Variants in NOTCH4 observed in about 807,000 individuals in gnomAD.
The protein encoded by NOTCH4 is notch receptor 4.
In NOTCH4, 138 loss-of-function variants were observed where a neutral mutation model predicts 189.0. The observed-to-expected ratio is 0.73, with a 90% CI of 0.64 to 0.84. The LOEUF is 0.84. NOTCH4 is among the 40% of genes least tolerant of loss of function. The probability of loss-of-function intolerance (pLI) is 0.00; values close to 1 mark genes in which losing one functional copy is unlikely to be tolerated. For missense variants in NOTCH4, 2,286 were observed against 2,605.4 expected, an observed-to-expected ratio of 0.88 and a Z score of 2.67; for synonymous variants, 942 against 1,032.8, an observed-to-expected ratio of 0.91 and a Z score of 1.69.
chr6:32,215,149 T>A lies in NOTCH4; in HGVS notation c.2021+77A>T, dbSNP rs961171368. 1.4e-5 allele frequency: 18 copies of A among 1,316,056 alleles called. 1 individual carries two copies. The highest frequency in any genetic ancestry group is 8.2e-5 in the Admixed American group (3 of 36,454). 81.5% of individuals were successfully genotyped at this position (1,316,056 alleles called of 1,614,324 possible). A position where few individuals can be genotyped will look rare whatever the true frequency, so the allele number is the denominator to read the frequency against. Reference sequence around the variant, plus strand: ...TGGTCATTTCTCACAGACCTACATCTCACTGGCTGTCTTCTCCTGTCCTAG... The same window carrying A: ...TGGTCATTTCTCACAGACCTACATCACACTGGCTGTCTTCTCCTGTCCTAG... On this transcript the variant is annotated intron_variant, in intron 12 of 29. Transcript: ENST00000375023.
At position 32,222,787 on chromosome 6, in the gene NOTCH4, C is replaced by G. The variant is rs541496033; in HGVS notation, c.175G>C (p.Gly59Arg). 6.2e-7 allele frequency: 1 copy of G among 1,610,236 alleles called. No individual in the cohort carries two copies. Among genetic ancestry groups the G allele is most frequent in the South Asian group, 1.1e-5 (1 of 90,704 alleles). Residue 59 changes from glycine (G) to arginine (R), a missense_variant, in exon 3 of 30, where the codon GGT becomes CGT. This residue lies in a region of NOTCH4 where 1,903 missense variants were observed against 2,261.9 expected (regional missense o/e 0.84). Transcript: ENST00000375023. Reference sequence around the variant, plus strand: ...GGGTCAGGAAACTGGCACGTCTCACCCAGGAAGCCAGGGGCACACCTGGGC... The same window carrying G: ...GGGTCAGGAAACTGGCACGTCTCACGCAGGAAGCCAGGGGCACACCTGGGC... ...GTCQCAPGFL[G>R]ETCQFPDPCQ...
At position 32,224,003 on chromosome 6, in the gene NOTCH4, G is replaced by A; in HGVS notation, c.-75C>T. The A allele has an allele frequency of 6.9e-7, 1 of 1,441,648 alleles. No individual in the cohort carries two copies. Among genetic ancestry groups the A allele is most frequent in the Non-Finnish European group, 9.3e-7 (1 of 1,078,128 alleles). 89.3% of individuals were successfully genotyped at this position (1,441,648 alleles called of 1,614,324 possible). On this transcript the variant is annotated 5_prime_UTR_variant, in exon 1 of 30. Coordinates refer to ENST00000375023, the MANE Select transcript of NOTCH4 (RefSeq NM_004557.4). ...ACCCTCAGAGCTCTCACTGGGGCAGGAGCCACCTCCTCTGCTCCCACTGCC... is the reference window on the plus strand; with the variant it reads ...ACCCTCAGAGCTCTCACTGGGGCAGAAGCCACCTCCTCTGCTCCCACTGCC...
chr6:32,195,875 C>T lies in NOTCH4; in HGVS notation c.5574G>A (p.Leu1858=). Residue 1858 remains leucine, a synonymous_variant, in exon 30 of 30, where the codon CTG becomes CTA. Transcript: ENST00000375023. The surrounding 1 kb of genome is among the most constrained non-coding windows in gnomAD (Gnocchi z 5.4). ...CGGCTGACAGCGTCCGGCAGCGCGGCAGAGCCCCGCCCCCATGCGGGGGCA... is the reference window on the plus strand; with the variant it reads ...CGGCTGACAGCGTCCGGCAGCGCGGTAGAGCCCCGCCCCCATGCGGGGGCA... The part of the protein sequence containing the change: ...VSVPPHGGGA[L]PRCRTLSAGA... 1.9e-6 allele frequency: 3 copies of T among 1,592,786 alleles called. No individual in the cohort carries two copies. Among genetic ancestry groups the T allele is most frequent in the Non-Finnish European group, 2.5e-6 (3 of 1,176,640 alleles).
chr6:32,209,259 A>G (rs756159283), intron 18 of NOTCH4, among the ~76,000 whole-genome samples: 2 of 152,130 alleles, frequency 1.3e-5, no homozygotes, highest in Non-Finnish European at 2.9e-5. Context: ...CTCCTATTGC[A>G]TGTGTAATAT....
chr6:32,202,025 T>C lies in NOTCH4; in HGVS notation c.3755+51A>G. On this transcript the variant is annotated intron_variant, in intron 21 of 29. Transcript: ENST00000375023. The surrounding 1 kb of genome is among the most constrained non-coding windows in gnomAD (Gnocchi z 5.7). The stretch of plus-strand genomic sequence containing the variant: ...TCAGAGCCATCTACGTCCTTCCTCC[T>C]CCTCTCACCCACCCCTCTCCTTCCC... 2.1e-6 allele frequency: 3 copies of C among 1,416,012 alleles called. No individual in the cohort carries two copies. Among genetic ancestry groups the C allele is most frequent in the Non-Finnish European group, 2.8e-6 (3 of 1,076,756 alleles). 87.7% of individuals were successfully genotyped at this position (1,416,012 alleles called of 1,614,324 possible). A position where few individuals can be genotyped will look rare whatever the true frequency, so the allele number is the denominator to read the frequency against.
In NOTCH4 at chr6:32,201,862, C is replaced by T; in HGVS notation, c.3755+214G>A. On this transcript the variant is annotated intron_variant, in intron 21 of 29. Coordinates refer to ENST00000375023, the MANE Select transcript of NOTCH4 (RefSeq NM_004557.4). The surrounding 1 kb of genome is among the most constrained non-coding windows in gnomAD (Gnocchi z 5.5). ...AGTTCCTTCAACTCTTAGAGAGGAGCCCAAAGGCCACGCCCCACATTAAAT... is the reference window on the plus strand; with the variant it reads ...AGTTCCTTCAACTCTTAGAGAGGAGTCCAAAGGCCACGCCCCACATTAAAT... The T allele has an allele frequency of 2.3e-6, 1 of 434,862 alleles. No individual in the cohort carries two copies. Among genetic ancestry groups the T allele is most frequent in the Non-Finnish European group, 3.9e-6 (1 of 256,414 alleles). 26.9% of individuals were successfully genotyped at this position (434,862 alleles called of 1,614,324 possible).
At position 32,196,107 on chromosome 6, in the gene NOTCH4, T is replaced by C; in HGVS notation, c.5342A>G (p.Glu1781Gly). Residue 1781 changes from glutamate (E) to glycine (G), a missense_variant, in exon 30 of 30, where the codon GAA becomes GGA. Coordinates refer to ENST00000375023, the MANE Select transcript of NOTCH4 (RefSeq NM_004557.4). ...CAGCCCCAGCAGTAGCTGGGCTACT[T>C]CCACCGCTCCTTCCCGCGCCGCCAG... ...LFLAAREGAV[E>G]VAQLLLGLGA... is the part of the protein sequence containing the mutation. 1 of 1,591,776 alleles carries C rather than the reference T, an allele frequency of 6.3e-7. No individual in the cohort carries two copies. The highest frequency in any genetic ancestry group is 8.5e-7 in the Non-Finnish European group (1 of 1,176,252).
At chr6:32,204,491 C>A in intron 18 of NOTCH4, 102 bp from the exon 19 acceptor site, 3 of 1,301,882 alleles carry the variant, frequency 2.3e-6, no homozygotes, top group Non-Finnish European at 3.2e-6. Context: ...CACCTTCCAG[C>A]TCAACAGCAT....
Position 32,194,897 on chromosome 6 carries a change from G to A in NOTCH4, c.*540C>T. 1 of 233,826 alleles carries A rather than the reference G, an allele frequency of 4.3e-6. No homozygotes were observed. Among genetic ancestry groups the A allele is most frequent in the Non-Finnish European group, 8.4e-6 (1 of 118,440 alleles). 14.5% of individuals were successfully genotyped at this position (233,826 alleles called of 1,614,324 possible). A position where few individuals can be genotyped will look rare whatever the true frequency, so the allele number is the denominator to read the frequency against. ...GACAGATTTAGGGTTCTTAAATAGC[G>A]ATAGCAGTGGCTAGAAGAAGCGCTT... On this transcript the variant is annotated 3_prime_UTR_variant, in exon 30 of 30. Transcript: ENST00000375023. This position sits in a 1 kb window ranked among gnomAD's most constrained non-coding sequence, Gnocchi z 4.5.
At position 32,202,272 on chromosome 6, in the gene NOTCH4, AG is replaced by A; in HGVS notation, c.3558del (p.Cys1187AlafsTer117). ...KGCEGRSGDG[A>X]CDAGCSGPGG... ...CCCGGGCCACTGCAGCCAGCATCGC[AG>A]GCCCCATCTCCACTTCTGCCCTCAC... On this transcript the variant is annotated frameshift_variant, in exon 21 of 30. Coordinates refer to ENST00000375023, the MANE Select transcript of NOTCH4 (RefSeq NM_004557.4). LOFTEE classifies it high-confidence loss of function. The surrounding 1 kb of genome is among the most constrained non-coding windows in gnomAD (Gnocchi z 5.7). 6.3e-7 allele frequency: 1 copy of A among 1,593,460 alleles called. No homozygotes were observed. The highest frequency in any genetic ancestry group is 2.3e-5 in the East Asian group (1 of 44,426).
At position 32,201,074 on chromosome 6, in the gene NOTCH4, A is replaced by T. The variant is rs753023078; in HGVS notation, c.4139+43T>A. ...CTCCCTTTCCTCCCTCTGCCCTCTT[A>T]AAAAAACTGGTGTCTGGCCCTTCCC... On this transcript the variant is annotated intron_variant, in intron 22 of 29. Coordinates refer to ENST00000375023, the MANE Select transcript of NOTCH4 (RefSeq NM_004557.4). The surrounding 1 kb of genome is among the most constrained non-coding windows in gnomAD (Gnocchi z 5.5). 5.9e-5 allele frequency: 93 copies of T among 1,574,684 alleles called. No homozygotes were observed. The African/African-American group carries it at 1.1e-3, about 19-fold the overall frequency.
Position 32,219,720 on chromosome 6 carries a change from C to G in NOTCH4, c.1382G>C (p.Cys461Ser). 6.2e-7 allele frequency: 1 copy of G among 1,612,922 alleles called. No individual in the cohort carries two copies. Among genetic ancestry groups the G allele is most frequent in the Non-Finnish European group, 8.5e-7 (1 of 1,179,938 alleles). ...SCLNTPGSFN[C>S]LCPPGYTGSR... is the part of the protein sequence containing the mutation. ...GCCTGTGTAGCCAGGTGGACAGAGG[C>G]AGTTGAAGGAGCCAGGAGTGTTGAG... Residue 461 changes from cysteine to serine, a missense_variant, in exon 8 of 30, where the codon TGC becomes TCC. Physicochemically the swap from Cys to Ser is moderately radical, Grantham distance 112 (BLOSUM62 -1). Around this residue, in one of 2 missense-constraint regions of NOTCH4, gnomAD observed 1,903 missense variants for 2,261.9 expected, o/e 0.84. Coordinates refer to ENST00000375023, the MANE Select transcript of NOTCH4 (RefSeq NM_004557.4).
chr6:32,214,057 T>A, intron 13 of NOTCH4, 53 bp downstream of exon 13: 1 of 1,569,424 alleles, frequency 6.4e-7, no homozygotes, highest in Non-Finnish European at 8.7e-7. Context: ...TGCCTTACCC[T>A]TGACATAGGG....
rs192478549 is a variant in NOTCH4 at position 32,221,076 on chromosome 6, C to T, written c.701G>A (p.Arg234Gln). The change falls in exon 4 of 30, where the codon CGG becomes CAG. Residue 234 changes from arginine (R) to glutamine (Q), a missense_variant. Physicochemically the swap from Arg to Gln is conservative, Grantham distance 43. Coordinates refer to ENST00000375023, the MANE Select transcript of NOTCH4 (RefSeq NM_004557.4). The surrounding 1 kb of genome is among the most constrained non-coding windows in gnomAD (Gnocchi z 4.3). ...VGQEGPRCELRAGPCPPRGCS... is the reference protein window; with the variant it reads ...VGQEGPRCELQAGPCPPRGCS... ...GCCCCTAGGAGGGCAGGGTCCTGCC[C>T]GCAGCTCACAACGTGGACCCTCCTG... The T allele has an allele frequency of 3.3e-4, 525 of 1,613,170 alleles. 9 individuals carry two copies. In the East Asian group the frequency reaches 9.2e-3, roughly 28 times the overall value.
chr6:32,204,508 A>G, intron 18 of NOTCH4, 119 bp from the exon 19 acceptor site: 2 of 1,092,190 alleles, frequency 1.8e-6, no homozygotes, highest in Non-Finnish European at 2.6e-6. Flanking sequence ...GCATCACTCA[A>G]CTCACCATCC....
Position 32,222,590 on chromosome 6 carries a change from G to A in NOTCH4, c.372C>T (p.Pro124=), listed in dbSNP as rs768961984. The A allele has an allele frequency of 1.3e-6, 2 of 1,597,398 alleles. No individual in the cohort carries two copies. The highest frequency in any genetic ancestry group is 1.8e-5 in the Admixed American group (1 of 54,248). ...CQAKLEDPCP[P]SFCSKRGRCH... ...AGCGGCCCCTTTTGGAACAGAAGGA[G>A]GGAGGACAAGGGTCTTCAAGCTTGG... The change falls in exon 3 of 30, where the codon CCC becomes CCT. Residue 124 remains proline (P), a synonymous_variant. Transcript: ENST00000375023.
rs377255168 is a variant in NOTCH4, at chr6:32,198,116, C to T, written c.4756+305G>A. Among the ~76,000 whole-genome samples the T allele has an allele frequency of 2.0e-5, 3 of 152,212 alleles. No homozygotes were observed. Among genetic ancestry groups the T allele is most frequent in the East Asian group, 1.9e-4 (1 of 5,190 alleles). ...GATTACAGGCGTGAGCCACCACGCC[C>T]GGCCTAGCAGTGGTTTTCTCAAACG... On this transcript the variant is annotated intron_variant, in intron 26 of 29. Transcript: ENST00000375023. The surrounding 1 kb of genome is among the most constrained non-coding windows in gnomAD (Gnocchi z 5.5).
At chr6:32,216,852 A>G in intron 11 of NOTCH4, 93 bp downstream of exon 11, 1 of 1,386,856 alleles carries the variant, frequency 7.2e-7, no homozygotes, top group South Asian at 1.2e-5. Context: ...CTATTCTCAC[A>G]TCCCAACCAT....
At chr6:32,223,751 T>C in intron 1 of NOTCH4, 105 bp downstream of exon 1, 1 of 1,160,562 alleles carries the variant, frequency 8.6e-7, no homozygotes, top group African/African-American at 1.5e-5. Context: ...ATCTCCTCCA[T>C]CCAGCATCCC....
Sources: gnomAD v4.1 joint callset for allele counts (sites outside exome capture counted in the v4.1 genomes callset) on GRCh38, gnomAD v4.1.1 for gene constraint, gnomAD v4.1.1 regional missense constraint, Gnocchi (gnomAD v3.1) non-coding constraint, MANE v1.5 for transcripts, NCBI Gene and HGNC (gene_info 2026-07-23, HGNC 2026-07-21) for gene names.